Variants in MAF observed in about 807,000 individuals in gnomAD.
The protein encoded by MAF is MAF bZIP transcription factor, also known as transcription factor Maf.
In MAF, 10 loss-of-function variants were observed where a neutral mutation model predicts 22.0. The observed-to-expected ratio is 0.45, with a 90% confidence interval of 0.28 to 0.77. The LOEUF (loss-of-function observed/expected upper bound fraction) is 0.77. MAF is among the 30% of genes least tolerant of loss of function. MAF has a pLI of 0.12. For synonymous variants in MAF, 337 were observed against 255.8 expected, an observed-to-expected ratio of 1.32 and a Z score of -3.03; for missense variants, 544 against 548.4, an observed-to-expected ratio of 0.99 and a Z score of 0.08.
At chr16:79,564,233 G>A in the MAF span, among the ~76,000 whole-genome samples, 4 of 152,334 alleles carry the variant, frequency 2.6e-5, no homozygotes, top group Non-Finnish European at 5.9e-5. Flanking sequence ...TTTGTTTCAG[G>A]AGAAGACGGA....
At chr16:79,547,998 C>A in the MAF span, among the ~76,000 whole-genome samples, 2 of 151,852 alleles carry the variant, frequency 1.3e-5, no homozygotes, top group African/African-American at 4.8e-5. Flanking sequence ...AATACATGGG[C>A]TCAGCAAAGA....
the MAF span, among the ~76,000 whole-genome samples, chr16:79,560,103 G>T: frequency 6.6e-6 from 1 of 152,000 alleles, no homozygotes; most frequent in East Asian, 1.9e-4. Flanking sequence ...TAGAGATGGG[G>T]TCTTGCTACT....
the MAF span, among the ~76,000 whole-genome samples, chr16:79,319,887 T>G: frequency 6.6e-6 from 1 of 152,238 alleles, no homozygotes; most frequent in African/African-American, 2.4e-5. Context: ...TAGGCGACTG[T>G]TTGATCAGGA....
chr16:79,404,392 G>C, the MAF span, among the ~76,000 whole-genome samples: 2 of 152,182 alleles, frequency 1.3e-5, no homozygotes, highest in Admixed American at 1.3e-4. Flanking sequence ...TCGATCTCTT[G>C]ACCTCGTGAT....
At chr16:79,499,461 G>C in the MAF span, among the ~76,000 whole-genome samples, 6,380 of 152,292 alleles carry the variant, frequency 0.042, 445 homozygotes, top group African/African-American at 0.14. Flanking sequence ...CTTCCTGCTA[G>C]GATCTGAATG....
the MAF span, among the ~76,000 whole-genome samples, chr16:79,455,392 T>C: frequency 6.6e-6 from 1 of 152,138 alleles, no homozygotes; most frequent in Admixed American, 6.5e-5. Context: ...GAATAAAAAA[T>C]GAACTGAAAC....
At chr16:79,358,063 A>G in the MAF span, among the ~76,000 whole-genome samples, 4 of 152,240 alleles carry the variant, frequency 2.6e-5, no homozygotes, top group African/African-American at 7.2e-5. Context: ...AGGGATATGG[A>G]AAGAACTCAA....
the MAF span, among the ~76,000 whole-genome samples, chr16:79,456,941 C>T: frequency 0.031 from 4,765 of 152,054 alleles, 74 homozygotes; most frequent in Middle Eastern, 0.044. Flanking sequence ...TTTTTACACA[C>T]ACACACACAC....
At chr16:79,421,696 G>A in the MAF span, among the ~76,000 whole-genome samples, 1 of 151,706 alleles carries the variant, frequency 6.6e-6, no homozygotes, top group African/African-American at 2.4e-5. Flanking sequence ...GAGTGCAATG[G>A]CACAATTGTT....
downstream of MAF, among the ~76,000 whole-genome samples, chr16:79,584,194 C>T (rs552379915): frequency 9.2e-5 from 14 of 151,984 alleles, no homozygotes; most frequent in Non-Finnish European, 1.9e-4. Context: ...CAGAAATAAG[C>T]CATGAAGCTG....
At chr16:79,506,459 C>G in the MAF span, among the ~76,000 whole-genome samples, 4 of 152,154 alleles carry the variant, frequency 2.6e-5, no homozygotes, top group African/African-American at 9.7e-5. Context: ...AGCTGAAGAT[C>G]CCCAGCCCAG....
the MAF span, among the ~76,000 whole-genome samples, chr16:79,422,048 G>C: frequency 6.6e-6 from 1 of 152,178 alleles, no homozygotes; most frequent in Non-Finnish European, 1.5e-5. Flanking sequence ...AAAATGCTAG[G>C]ATTACAGGTG....
chr16:79,575,960 A>C, the MAF span, among the ~76,000 whole-genome samples: 1,155 of 152,140 alleles, frequency 7.6e-3, 22 homozygotes, highest in African/African-American at 0.025. Context: ...AGAGTCCTAA[A>C]CCGGGGTCCT....
downstream of MAF, among the ~76,000 whole-genome samples, chr16:79,591,325 C>T (rs1383095745): frequency 1.3e-5 from 2 of 152,154 alleles, no homozygotes; most frequent in East Asian, 3.9e-4. Context: ...ACTCCTTCCT[C>T]TCCTTCCACT....
At chr16:79,285,435 G>A in the MAF span, among the ~76,000 whole-genome samples, 1 of 152,040 alleles carries the variant, frequency 6.6e-6, no homozygotes, top group Non-Finnish European at 1.5e-5. Context: ...CTGTACAGCT[G>A]GAAAATAGGG....
chr16:79,564,340 G>C, the MAF span, among the ~76,000 whole-genome samples: 1 of 152,226 alleles, frequency 6.6e-6, no homozygotes, highest in African/African-American at 2.4e-5. Context: ...AGTTGCGGGG[G>C]AGAAGGAAAG....
At chr16:79,391,656 G>A in the MAF span, among the ~76,000 whole-genome samples, 8 of 152,090 alleles carry the variant, frequency 5.3e-5, no homozygotes, top group Admixed American at 1.3e-4. Flanking sequence ...GGCTTCCCAC[G>A]CTGAAACGTA....
the MAF span, among the ~76,000 whole-genome samples, chr16:79,357,555 T>G: frequency 5.8e-4 from 89 of 152,320 alleles, 1 homozygote; most frequent in South Asian, 0.018. Flanking sequence ...CAATCCTCAC[T>G]GCACTTTGCA....
At chr16:79,528,885 C>T in the MAF span, among the ~76,000 whole-genome samples, 5 of 152,118 alleles carry the variant, frequency 3.3e-5, no homozygotes, top group South Asian at 1.0e-3. Flanking sequence ...AATGTGCCTT[C>T]CCTTTCGTCC....
Sources: allele counts gnomAD v4.1 joint callset (sites outside exome capture counted in the v4.1 genomes callset), GRCh38; gene constraint gnomAD v4.1.1; transcripts MANE v1.5; gene names NCBI Gene and HGNC (gene_info 2026-07-23, HGNC 2026-07-21).